Variants in LDLRAD3 observed in about 807,000 individuals in gnomAD.
LDLRAD3 encodes the protein low density lipoprotein receptor class A domain containing 3.
LDLRAD3 carries 20 observed loss-of-function variants against 29.4 expected under a neutral mutation model. The ratio of observed to expected loss-of-function variants is 0.68; its 90% confidence interval spans 0.48 to 0.99. The LOEUF is 0.99. Ranked by LOEUF, LDLRAD3 falls within the 50% of genes least tolerant of loss-of-function variation. The pLI, the probability that LDLRAD3 is intolerant of heterozygous loss-of-function variation, is 0.00. For synonymous variants in LDLRAD3, 157 were observed against 192.7 expected, an observed-to-expected ratio of 0.81 and a Z score of 1.53; for missense variants, 420 against 454.3, an observed-to-expected ratio of 0.92 and a Z score of 0.69.
intron 4 of LDLRAD3, among the ~76,000 whole-genome samples, chr11:36,207,650 G>C (rs951962445): frequency 1.3e-5 from 2 of 151,970 alleles, no homozygotes; most frequent in East Asian, 3.9e-4. Flanking sequence ...AAGGGCTATT[G>C]AAGGGCTTGT....
intron 1 of LDLRAD3, among the ~76,000 whole-genome samples, chr11:35,984,934 C>CTTTTTT (rs1285306835): frequency 7.8e-6 from 1 of 127,990 alleles, no homozygotes; most frequent in Non-Finnish European, 1.7e-5. Flanking sequence ...CCTGCCTGTT[C>CTTTTTT]TTTTTTTTTT....
At chr11:35,987,269 G>C (rs1350970108) in intron 1 of LDLRAD3, among the ~76,000 whole-genome samples, 1 of 152,156 alleles carries the variant, frequency 6.6e-6, no homozygotes, top group Non-Finnish European at 1.5e-5. Flanking sequence ...TTCAACTTTT[G>C]TTTTAGATAC....
chr11:35,961,785 A>T (rs1851280899), intron 1 of LDLRAD3, among the ~76,000 whole-genome samples: 1 of 152,204 alleles, frequency 6.6e-6, no homozygotes. Context: ...GAGTAGGTGC[A>T]TATTTACGGG....
At chr11:36,014,770 A>C (rs1307513528) in intron 1 of LDLRAD3, among the ~76,000 whole-genome samples, 1 of 152,262 alleles carries the variant, frequency 6.6e-6, no homozygotes, top group African/African-American at 2.4e-5. Context: ...TCAGTTGTCT[A>C]ATCTGTAGAC....
chr11:36,066,472 C>A (rs1428066972), intron 2 of LDLRAD3, among the ~76,000 whole-genome samples: 1 of 152,156 alleles, frequency 6.6e-6, no homozygotes, highest in East Asian at 1.9e-4. Flanking sequence ...TTGGGAATAT[C>A]TTAGTTTCCT....
At chr11:36,212,617 C>T (rs78375981) in intron 4 of LDLRAD3, among the ~76,000 whole-genome samples, 2,162 of 152,046 alleles carry the variant, frequency 0.014, 58 homozygotes, top group African/African-American at 0.05. Flanking sequence ...CCAACCAGTT[C>T]TGCAACTGCC....
intron 4 of LDLRAD3, among the ~76,000 whole-genome samples, chr11:36,223,302 A>G (rs2133390349): frequency 6.6e-6 from 1 of 152,288 alleles, no homozygotes; most frequent in African/African-American, 2.4e-5. Context: ...CAGGCATTTT[A>G]TATCCCATGC....
At chr11:36,211,964 A>G (rs773810878) in intron 4 of LDLRAD3, among the ~76,000 whole-genome samples, 14 of 152,200 alleles carry the variant, frequency 9.2e-5, no homozygotes, top group Non-Finnish European at 1.3e-4. Context: ...ACTGGACCAG[A>G]AACCAACTGA....
chr11:36,027,268 T>C (rs546621589), intron 1 of LDLRAD3, among the ~76,000 whole-genome samples: 2 of 152,214 alleles, frequency 1.3e-5, no homozygotes, highest in Non-Finnish European at 2.9e-5. Context: ...ATATATTAAG[T>C]GGCTATTTGA....
At chr11:35,981,055 T>C (rs1259106018) in intron 1 of LDLRAD3, among the ~76,000 whole-genome samples, 1 of 152,130 alleles carries the variant, frequency 6.6e-6, no homozygotes, top group East Asian at 1.9e-4. Flanking sequence ...AAATCTCACA[T>C]ACGGGAAGAA....
At chr11:36,001,830 C>A (rs780087188) in intron 1 of LDLRAD3, among the ~76,000 whole-genome samples, 2 of 149,994 alleles carry the variant, frequency 1.3e-5, no homozygotes, top group Non-Finnish European at 3.0e-5. Context: ...ATTTTATATA[C>A]AGCGGACATT....
At chr11:36,199,088 G>C (rs1214105014) in intron 4 of LDLRAD3, among the ~76,000 whole-genome samples, 3 of 152,112 alleles carry the variant, frequency 2.0e-5, no homozygotes, top group Non-Finnish European at 4.4e-5. Flanking sequence ...TTTTAGTAGA[G>C]ACGGGGTTTC....
At chr11:36,153,559 C>A (rs79440637) in intron 4 of LDLRAD3, among the ~76,000 whole-genome samples, 2,411 of 152,240 alleles carry the variant, frequency 0.016, 65 homozygotes, top group African/African-American at 0.056. Context: ...ATTTCTGGAT[C>A]TGTCTGTAAA....
chr11:36,081,371 G>A (rs181852496), intron 2 of LDLRAD3, among the ~76,000 whole-genome samples: 5 of 152,246 alleles, frequency 3.3e-5, no homozygotes, highest in African/African-American at 4.8e-5. Flanking sequence ...CCTGTTCTTC[G>A]TTCATGGCTT....
At chr11:36,090,176 G>T (rs1354213018) in intron 3 of LDLRAD3, among the ~76,000 whole-genome samples, 1 of 152,146 alleles carries the variant, frequency 6.6e-6, no homozygotes, top group African/African-American at 2.4e-5. Flanking sequence ...GCTTGGAATT[G>T]TCAGCTGGGG....
chr11:35,985,646 C>T (rs140700413), intron 1 of LDLRAD3, among the ~76,000 whole-genome samples: 19 of 152,196 alleles, frequency 1.2e-4, no homozygotes, highest in East Asian at 1.2e-3. Flanking sequence ...AACTGAATCA[C>T]GGGGGCAGGT....
At chr11:36,200,438 C>G (rs575045527) in intron 4 of LDLRAD3, among the ~76,000 whole-genome samples, 6 of 152,302 alleles carry the variant, frequency 3.9e-5, no homozygotes, top group African/African-American at 1.4e-4. Context: ...TCTTAACCAC[C>G]ATCACACTGG....
intron 4 of LDLRAD3, among the ~76,000 whole-genome samples, chr11:36,191,576 C>CTCTCTCTCTCTCTCTCTA (rs377747518): frequency 1.7e-4 from 9 of 53,428 alleles, no homozygotes; most frequent in African/African-American, 3.3e-4. Flanking sequence ...CTCTCTCTCT[C>CTCTCTCTCTCTCTCTCTA]TATATATATA....
At chr11:36,188,139 G>A (rs187709615) in intron 4 of LDLRAD3, among the ~76,000 whole-genome samples, 1 of 152,140 alleles carries the variant, frequency 6.6e-6, no homozygotes, top group Admixed American at 6.5e-5. Context: ...ACATCGAGAA[G>A]AGATTGGTCA....
Sources: gnomAD v4.1 joint callset for allele counts (sites outside exome capture counted in the v4.1 genomes callset) on GRCh38, gnomAD v4.1.1 for gene constraint, MANE v1.5 for transcripts, NCBI Gene and HGNC (gene_info 2026-07-23, HGNC 2026-07-21) for gene names.